The following TTC28 variants were observed in gnomAD, a reference collection of about 807,000 sequenced individuals.
The protein encoded by TTC28 is tetratricopeptide repeat protein 28.
In TTC28, 61 loss-of-function variants were observed where a neutral mutation model predicts 198.0. That is an observed-to-expected ratio of 0.31 (90% CI 0.25 to 0.38). TTC28 has a LOEUF of 0.38. TTC28 is among the 10% of genes least tolerant of loss of function. The pLI, the probability that TTC28 is intolerant of heterozygous loss-of-function variation, is 1.00. For synonymous variants in TTC28, 1,171 were observed against 1,297.8 expected (o/e 0.90, Z 2.10); for missense variants, 2,678 against 3,164.0 (o/e 0.85, Z 3.69).
chr22:28,180,231 A>G (rs1359483422), intron 5 of TTC28, among the ~76,000 whole-genome samples: 1 of 152,212 alleles, frequency 6.6e-6, no homozygotes, highest in Non-Finnish European at 1.5e-5. Flanking sequence ...AACTGAGCTG[A>G]TGAAATAATT....
chr22:28,580,536 C>T (rs1186197157), intron 2 of TTC28, among the ~76,000 whole-genome samples: 1 of 152,086 alleles, frequency 6.6e-6, no homozygotes, highest in East Asian at 1.9e-4. Context: ...CCACATCTGG[C>T]CAACTAATTT....
chr22:28,104,267 C>G (rs951482009), intron 8 of TTC28, among the ~76,000 whole-genome samples: 1 of 152,190 alleles, frequency 6.6e-6, no homozygotes, highest in Non-Finnish European at 1.5e-5. Context: ...TCGGGCTGGG[C>G]CCTACTCCTT....
At chr22:28,349,388 C>T (rs547089755) in intron 2 of TTC28, among the ~76,000 whole-genome samples, 1 of 152,302 alleles carries the variant, frequency 6.6e-6, no homozygotes, top group African/African-American at 2.4e-5. Context: ...GGACATTGCT[C>T]AGTATAGTCA....
intron 5 of TTC28, among the ~76,000 whole-genome samples, chr22:28,198,558 A>G (rs777379741): frequency 8.5e-5 from 13 of 152,200 alleles, no homozygotes; most frequent in Non-Finnish European, 1.9e-4. Context: ...GACATTTTAA[A>G]AATGCTCAAT....
chr22:28,094,965 C>T (rs141743044), intron 11 of TTC28, among the ~76,000 whole-genome samples: 15 of 152,022 alleles, frequency 9.9e-5, no homozygotes, highest in South Asian at 8.3e-4. Context: ...CAAAAAGGAA[C>T]GGAAAAAGAA....
chr22:28,472,552 ATGTGTG>A (rs3053555), intron 2 of TTC28, among the ~76,000 whole-genome samples: 2,272 of 114,778 alleles, frequency 0.02, 27 homozygotes, highest in African/African-American at 0.034. Context: ...GAAAATGTGT[ATGTGTG>A]TGTGTGTGTG....
chr22:28,092,096 C>A (rs1056892869), intron 12 of TTC28, among the ~76,000 whole-genome samples: 4 of 152,192 alleles, frequency 2.6e-5, no homozygotes, highest in African/African-American at 9.7e-5. Context: ...TCTTGTCAAC[C>A]TTTCTAACTA....
intron 2 of TTC28, among the ~76,000 whole-genome samples, chr22:28,363,039 A>G (rs764462134): frequency 1.3e-5 from 2 of 152,206 alleles, no homozygotes; most frequent in African/African-American, 2.4e-5. Context: ...AGAAATTTGC[A>G]TAAGTAACAA....
intron 2 of TTC28, among the ~76,000 whole-genome samples, chr22:28,598,507 T>C (rs1359628940): frequency 4.3e-3 from 200 of 46,842 alleles, no homozygotes; most frequent in African/African-American, 0.016. Context: ...AGACTACGTC[T>C]CCAAAAAAAA....
chr22:28,615,346 T>C (rs1315881399), intron 2 of TTC28, among the ~76,000 whole-genome samples: 12 of 152,214 alleles, frequency 7.9e-5, no homozygotes, highest in Admixed American at 7.9e-4. Context: ...TTTTACACTG[T>C]TGGTGGGCTG....
chr22:28,350,208 A>C (rs76452102), intron 2 of TTC28, among the ~76,000 whole-genome samples: 2,596 of 152,266 alleles, frequency 0.017, 97 homozygotes, highest in African/African-American at 0.06. Flanking sequence ...TATTAACCAC[A>C]TTCCAGATAA....
At chr22:28,214,848 C>T (rs1927249927) in intron 5 of TTC28, among the ~76,000 whole-genome samples, 2 of 152,136 alleles carry the variant, frequency 1.3e-5, no homozygotes, top group African/African-American at 4.8e-5. Flanking sequence ...TTTATTGTGG[C>T]ACTATTCACA....
At chr22:28,058,587 T>C (rs762371129) in intron 12 of TTC28, among the ~76,000 whole-genome samples, 15 of 152,134 alleles carry the variant, frequency 9.9e-5, no homozygotes, top group Admixed American at 2.0e-4. Context: ...TTTCTTTTTA[T>C]CTAATATCAT....
chr22:28,424,149 A>C (rs1057071415), intron 2 of TTC28, among the ~76,000 whole-genome samples: 2 of 152,250 alleles, frequency 1.3e-5, no homozygotes, highest in Admixed American at 1.3e-4. Flanking sequence ...GTATATATTT[A>C]GGGTATACAA....
chr22:28,322,357 T>A (rs1217222722), intron 2 of TTC28, among the ~76,000 whole-genome samples: 5 of 151,956 alleles, frequency 3.3e-5, no homozygotes, highest in Admixed American at 6.6e-5. Flanking sequence ...TAAAAAAAAA[T>A]TTTTTGACTG....
chr22:28,129,945 G>A (rs1482357816), intron 6 of TTC28, among the ~76,000 whole-genome samples: 2 of 152,114 alleles, frequency 1.3e-5, no homozygotes, highest in Non-Finnish European at 2.9e-5. Flanking sequence ...GTTGATCCAT[G>A]GGCCACACTT....
chr22:28,624,958 A>T (rs2051055882), intron 2 of TTC28, among the ~76,000 whole-genome samples: 1 of 152,210 alleles, frequency 6.6e-6, no homozygotes, highest in Non-Finnish European at 1.5e-5. Flanking sequence ...ATCCCCAAAT[A>T]AATCAATTTA....
At chr22:28,336,722 TTCTC>T (rs1389264325) in intron 2 of TTC28, among the ~76,000 whole-genome samples, 1 of 152,208 alleles carries the variant, frequency 6.6e-6, no homozygotes, top group Non-Finnish European at 1.5e-5. Context: ...TATTTGATTC[TTCTC>T]TCTTTTCTTC....
chr22:28,590,282 C>T (rs2050403965), intron 2 of TTC28, among the ~76,000 whole-genome samples: 2 of 151,590 alleles, frequency 1.3e-5, no homozygotes, highest in Non-Finnish European at 2.9e-5. Flanking sequence ...CGCCCACCAC[C>T]ACACCCAGAT....
Sources: gnomAD v4.1 joint callset for allele counts (sites outside exome capture counted in the v4.1 genomes callset) on GRCh38, gnomAD v4.1.1 for gene constraint, MANE v1.5 for transcripts, NCBI Gene and HGNC (gene_info 2026-07-23, HGNC 2026-07-21) for gene names.